The following DEFB131A variants were observed in gnomAD, a reference collection of about 807,000 sequenced individuals.
DEFB131A encodes defensin beta 131A.
A neutral mutation model predicts 2.4 loss-of-function variants in DEFB131A; 5 were observed. The ratio of observed to expected loss-of-function variants is 2.12; its 90% confidence interval spans 1.11 to 4.47. The LOEUF (loss-of-function observed/expected upper bound fraction) is 4.47. Ranked by LOEUF, DEFB131A falls within the 30% of genes most tolerant of loss-of-function variation. The probability of loss-of-function intolerance (pLI) is 0.00; values close to 1 mark genes in which losing one functional copy is unlikely to be tolerated. For synonymous variants in DEFB131A, 34 were observed against 25.7 expected, an observed-to-expected ratio of 1.32 and a Z score of -0.97; for missense variants, 120 against 79.9, an observed-to-expected ratio of 1.50 and a Z score of -1.91.
rs750695514 is a variant in DEFB131A at position 9,444,581 on chromosome 4, A to G, written c.48A>G (p.Thr16=). 8.1e-6 allele frequency: 13 copies of G among 1,597,638 alleles called. No homozygotes were observed. In the East Asian group the frequency reaches 2.5e-4, roughly 30 times the overall value. The change falls in exon 1 of 2, where the codon ACA becomes ACG. Residue 16 remains threonine, a synonymous_variant. Transcript: ENST00000334879. The part of the protein sequence containing the change: ...FVFGVLSLMF[T]VPPARSFISN... ...TTGGAGTCCTTTCCTTGATGTTCAC[A>G]GTTCCTCCAGGTAAGACAGAAACTT...
intron 1 of DEFB131A, among the ~76,000 whole-genome samples, chr4:9,448,230 A>G (rs1486113520): frequency 6.6e-6 from 1 of 152,106 alleles, no homozygotes; most frequent in African/African-American, 2.4e-5. Context: ...ATGGACAACC[A>G]AGGATAAGAA....
At position 9,450,593 on chromosome 4, in the gene DEFB131A, A is replaced by G; in HGVS notation, c.*79A>G. 4.0e-6 allele frequency: 6 copies of G among 1,498,254 alleles called. No individual in the cohort carries two copies. Among genetic ancestry groups the G allele is most frequent in the Non-Finnish European group, 4.5e-6 (5 of 1,111,084 alleles). The allele number at this position is 1,498,254 out of a possible 1,614,324, so 92.8% of individuals were successfully genotyped here. ...CTCTTATCTATGAATAATTAACATG[A>G]TAGATGAAAATTATTATAATTGCAT... On this transcript the variant is annotated 3_prime_UTR_variant, in exon 2 of 2. Coordinates refer to ENST00000334879, the MANE Select transcript of DEFB131A (RefSeq NM_001040448.3).
chr4:9,445,562 C>G (rs2108836851), intron 1 of DEFB131A, among the ~76,000 whole-genome samples: 1 of 151,258 alleles, frequency 6.6e-6, no homozygotes, highest in Middle Eastern at 3.4e-3. Context: ...ATTTCTGAAG[C>G]ACATTTTAAT....
intron 1 of DEFB131A, among the ~76,000 whole-genome samples, chr4:9,446,681 G>T (rs1341020572): frequency 6.6e-6 from 1 of 151,904 alleles, no homozygotes; most frequent in African/African-American, 2.4e-5. Context: ...GTGCATAGTA[G>T]CTTGTTTATA....
intron 1 of DEFB131A, among the ~76,000 whole-genome samples, chr4:9,448,408 G>A (rs186958504): frequency 4.9e-4 from 75 of 152,086 alleles, no homozygotes; most frequent in African/African-American, 1.8e-3. Context: ...GAGTGCAGTG[G>A]CAGTGACCTT....
At chr4:9,446,637 A>G (rs1717511690) in intron 1 of DEFB131A, among the ~76,000 whole-genome samples, 1 of 151,478 alleles carries the variant, frequency 6.6e-6, no homozygotes, top group African/African-American at 2.4e-5. Context: ...CTAAGTTTGG[A>G]TTTCATTTTT....
At chr4:9,450,182 A>G (rs1717618584) in intron 1 of DEFB131A, among the ~76,000 whole-genome samples, 178 bp from the exon 2 acceptor site, 1 of 152,220 alleles carries the variant, frequency 6.6e-6, no homozygotes. Flanking sequence ...TCTTTATAGA[A>G]GAAATCATCG....
At chr4:9,446,923 A>C (rs1490101194) in intron 1 of DEFB131A, among the ~76,000 whole-genome samples, 4 of 152,094 alleles carry the variant, frequency 2.6e-5, no homozygotes, top group Non-Finnish European at 5.9e-5. Flanking sequence ...ATTCATTTCT[A>C]GTTCTATTCT....
At chr4:9,445,251 G>T (rs1346162589) in intron 1 of DEFB131A, among the ~76,000 whole-genome samples, 2 of 152,006 alleles carry the variant, frequency 1.3e-5, no homozygotes, top group African/African-American at 4.8e-5. Context: ...CATAATCCTT[G>T]GTTCACAGGA....
At chr4:9,445,771 G>A (rs1447470859) in intron 1 of DEFB131A, among the ~76,000 whole-genome samples, 3 of 151,930 alleles carry the variant, frequency 2.0e-5, no homozygotes, top group Non-Finnish European at 4.4e-5. Context: ...TTAAAATTGT[G>A]CACCCCTCAC....
chr4:9,447,575 G>T (rs1286097838), intron 1 of DEFB131A, among the ~76,000 whole-genome samples: 3 of 152,054 alleles, frequency 2.0e-5, no homozygotes, highest in East Asian at 3.9e-4. Flanking sequence ...GCTTGCAGCT[G>T]CTTGCCTTCT....
intron 1 of DEFB131A, among the ~76,000 whole-genome samples, chr4:9,449,616 C>T (rs1365258040): frequency 2.6e-5 from 4 of 151,648 alleles, no homozygotes; most frequent in Non-Finnish European, 4.4e-5. Context: ...TAAGGAGAAC[C>T]TTTCATGATG....
chr4:9,445,366 T>G (rs1717468691), intron 1 of DEFB131A, among the ~76,000 whole-genome samples: 1 of 152,090 alleles, frequency 6.6e-6, no homozygotes. Flanking sequence ...ACTTTTTGTA[T>G]GGTGAGAGTT....
chr4:9,447,512 T>C (rs9999354), intron 1 of DEFB131A, among the ~76,000 whole-genome samples: 2,353 of 152,184 alleles, frequency 0.015, 63 homozygotes, highest in African/African-American at 0.054. Flanking sequence ...CTGGAAGTTA[T>C]AATTCTAAGA....
At chr4:9,444,906 TC>T (rs1157036452) in intron 1 of DEFB131A, among the ~76,000 whole-genome samples, 13 of 43,440 alleles carry the variant, frequency 3.0e-4, no homozygotes, top group African/African-American at 7.8e-4. Flanking sequence ...ACCCCATCTC[TC>T]CAAAAAAAAA....
intron 1 of DEFB131A, among the ~76,000 whole-genome samples, chr4:9,450,114 G>A (rs1433938282): frequency 2.0e-5 from 3 of 152,092 alleles, no homozygotes; most frequent in African/African-American, 2.4e-5. Flanking sequence ...GAAATATGTG[G>A]TAATAGTTCT....
rs889190308 is a variant in DEFB131A at position 9,448,217 on chromosome 4, T to C, written c.59-2143T>C. Among the ~76,000 whole-genome samples, 16 of 151,562 alleles carry C rather than the reference T, an allele frequency of 1.1e-4. 1 individual carries two copies. Among genetic ancestry groups the C allele is most frequent in the Non-Finnish European group, 2.4e-4 (16 of 67,930 alleles). On this transcript the variant is annotated intron_variant, in intron 1 of 1. Transcript: ENST00000334879. ...GAAGCCAGGAGGGAAAAAATCTTTA[T>C]CTATGGACAACCAAGGATAAGAATT...
chr4:9,447,160 A>T (rs981337073), intron 1 of DEFB131A, among the ~76,000 whole-genome samples: 2 of 152,182 alleles, frequency 1.3e-5, no homozygotes, highest in Admixed American at 6.5e-5. Flanking sequence ...TACCTAGATG[A>T]TCTGTTCAAT....
At chr4:9,445,589 T>A (rs1453116344) in intron 1 of DEFB131A, among the ~76,000 whole-genome samples, 1 of 151,546 alleles carries the variant, frequency 6.6e-6, no homozygotes, top group African/African-American at 2.4e-5. Flanking sequence ...CAATTCAAGA[T>A]TCCCTCATTT....
Sources: gnomAD v4.1 joint callset for allele counts (sites outside exome capture counted in the v4.1 genomes callset) on GRCh38, gnomAD v4.1.1 for gene constraint, MANE v1.5 for transcripts, NCBI Gene and HGNC (gene_info 2026-07-23, HGNC 2026-07-21) for gene names.